Variants in GPI observed in about 807,000 individuals in gnomAD.
The protein encoded by GPI is D-hexose-6-phosphate anomerase.
A neutral mutation model predicts 75.8 loss-of-function variants in GPI; 56 were observed. The observed-to-expected ratio is 0.74, with a 90% CI of 0.60 to 0.92. The LOEUF is 0.92. GPI is among the 40% of genes least tolerant of loss of function. The pLI is 0.00. For synonymous variants in GPI, 288 were observed against 285.4 expected (o/e 1.01, Z -0.09); for missense variants, 638 against 741.0 (o/e 0.86, Z 1.61).
At chr19:34,377,130 GTCTC>G (rs2074549672) in intron 4 of GPI, among the ~76,000 whole-genome samples, 1 of 150,296 alleles carries the variant, frequency 6.7e-6, no homozygotes, top group Non-Finnish European at 1.5e-5. Context: ...GTGAAACCCT[GTCTC>G]TACTAAAAAT....
chr19:34,395,258 G>A (rs2074927531), intron 12 of GPI, among the ~76,000 whole-genome samples: 1 of 152,064 alleles, frequency 6.6e-6, no homozygotes, highest in Non-Finnish European at 1.5e-5. Flanking sequence ...GCCAGGCATG[G>A]TGGCTGATGC....
At chr19:34,376,370 A>C (rs1313276308) in intron 4 of GPI, among the ~76,000 whole-genome samples, 1 of 152,150 alleles carries the variant, frequency 6.6e-6, no homozygotes, top group Non-Finnish European at 1.5e-5. Context: ...AGCGTGGCCA[A>C]CACGGCGAAA....
intron 14 of GPI, chr19:34,398,305 T>C (rs1158129947): frequency 6.6e-6 from 1 of 152,156 alleles, no homozygotes; most frequent in East Asian, 1.9e-4. Flanking sequence ...CTGTGCTTTG[T>C]CTCAGGTGTG....
chr19:34,394,081 G>C lies in GPI; in HGVS notation c.1062+15G>C. 1 of 1,604,928 alleles carries C rather than the reference G, an allele frequency of 6.2e-7. No homozygotes were observed. The highest frequency in any genetic ancestry group is 8.5e-7 in the Non-Finnish European group (1 of 1,175,990). On this transcript the variant is annotated intron_variant, in intron 12 of 17. Transcript: ENST00000356487. ...ACTTCCAGCAGGTACCAGCTGCCAA[G>C]CCAGGCCTTGGAGTCAGCAAGATTT...
chr19:34,399,778 C>T lies in GPI; in HGVS notation c.1534C>T (p.Gln512Ter). ...GIIWDINSFD[Q>*]WGVELGKQLA... Reference sequence around the variant, plus strand: ...CATCTGGGACATCAACAGCTTTGACCAGTGGGGGTGAGTTGCTCACTTAGG... The same window carrying T: ...CATCTGGGACATCAACAGCTTTGACTAGTGGGGGTGAGTTGCTCACTTAGG... Residue 512 changes from glutamine (Q) to a stop codon, truncating the protein, a stop_gained, in exon 17 of 18, where the codon CAG (glutamine) becomes TAG (stop). Transcript: ENST00000356487. LOFTEE classifies it high-confidence loss of function. The T allele has an allele frequency of 4.3e-6, 7 of 1,613,990 alleles. No homozygotes were observed. The highest frequency in any genetic ancestry group is 4.2e-6 in the Non-Finnish European group (5 of 1,179,968).
In GPI at chr19:34,379,285, T is replaced by C. The variant is rs550977708; in HGVS notation, c.706-233T>C. 2.6e-5 allele frequency among the ~76,000 whole-genome samples: 4 copies of C among 152,302 alleles called. No individual in the cohort carries two copies. In the South Asian group the frequency reaches 8.3e-4, roughly 32 times the overall value. The stretch of plus-strand genomic sequence containing the variant: ...CAGGAACTCTTGGCCACACCTATTT[T>C]ATAGGGGAGGGACGTCCCTGAGCCC... On this transcript the variant is annotated intron_variant, in intron 7 of 17. Transcript: ENST00000356487.
At chr19:34,366,586 G>A (rs1037827034) in intron 2 of GPI, 151 bp downstream of exon 2, 2 of 767,602 alleles carry the variant, frequency 2.6e-6, no homozygotes, top group Non-Finnish European at 4.7e-6. Flanking sequence ...ACCTGTCCCT[G>A]GCTTAGGTTC....
At chr19:34,399,091 G>A (rs2145435721) in intron 14 of GPI, 116 bp from the exon 15 acceptor site, 2 of 925,898 alleles carry the variant, frequency 2.2e-6, no homozygotes, top group Admixed American at 2.2e-5. Context: ...CAACTGAGCT[G>A]TACAGCGAGT....
intron 9 of GPI, among the ~76,000 whole-genome samples, chr19:34,389,861 A>T (rs1256607615): frequency 6.6e-6 from 1 of 151,908 alleles, no homozygotes; most frequent in Admixed American, 6.6e-5. Context: ...TCTCTCCCAC[A>T]CTCTGTGTCC....
chr19:34,377,336 A>AATATATATATATATATATAT (rs1243864461), intron 4 of GPI, among the ~76,000 whole-genome samples, 167 bp from the exon 5 acceptor site: 40 of 49,320 alleles, frequency 8.1e-4, no homozygotes, highest in African/African-American at 3.8e-3. Flanking sequence ...AAAAAAAAAA[A>AATATATATATATATATATAT]ATATATATAT....
intron 9 of GPI, among the ~76,000 whole-genome samples, chr19:34,386,208 G>A (rs182109920): frequency 1.2e-4 from 19 of 152,270 alleles, no homozygotes; most frequent in Middle Eastern, 6.9e-3. Flanking sequence ...TTCAGGTGTG[G>A]TCTGAGAACC....
intron 4 of GPI, among the ~76,000 whole-genome samples, chr19:34,370,682 G>A (rs906234558): frequency 2.0e-5 from 3 of 151,840 alleles, no homozygotes; most frequent in African/African-American, 4.8e-5. Context: ...CCAAGATCAC[G>A]CTACTGCACT....
Position 34,393,438 on chromosome 19 carries a change from G to T in GPI, c.865+130G>T. 1.2e-6 allele frequency: 1 copy of T among 843,142 alleles called. No homozygotes were observed. The allele number at this position is 843,142 out of a possible 1,614,324, so 52.2% of individuals were successfully genotyped here. ...TGCTGGCCTCTCTGCAGCTGGCTGG[G>T]ATATTTATTTCATGTCCAGAAGGAA... is the stretch of plus-strand genomic sequence containing the variant. On this transcript the variant is annotated intron_variant, in intron 10 of 17. Coordinates refer to ENST00000356487, the MANE Select transcript of GPI (RefSeq NM_000175.5). This position sits in a 1 kb window ranked among gnomAD's most constrained non-coding sequence, Gnocchi z 4.4.
chr19:34,367,546 C>T (rs1227266330), intron 3 of GPI, among the ~76,000 whole-genome samples: 1 of 152,166 alleles, frequency 6.6e-6, no homozygotes, highest in African/African-American at 2.4e-5. Flanking sequence ...TGGGGTCTGG[C>T]AGGGTGAGGG....
At position 34,399,581 on chromosome 19, in the gene GPI, ACT is replaced by A; in HGVS notation, c.1427_1428del (p.Ser476TyrfsTer19). ...GTCTTTGAAGGAAATCGCCCAACCA[ACT>A]CTATTGTGTTCACCAAGCTCACACC... is the stretch of plus-strand genomic sequence containing the variant. On this transcript the variant is annotated frameshift_variant, in exon 16 of 18. Coordinates refer to ENST00000356487, the MANE Select transcript of GPI (RefSeq NM_000175.5). LOFTEE classifies it high-confidence loss of function. 1 of 1,613,868 alleles carries A rather than the reference ACT, an allele frequency of 6.2e-7. No individual in the cohort carries two copies. The highest frequency in any genetic ancestry group is 8.5e-7 in the Non-Finnish European group (1 of 1,179,962).
At position 34,393,844 on chromosome 19, in the gene GPI, TC is replaced by T; in HGVS notation, c.910-65del. 1 of 1,601,690 alleles carries T rather than the reference TC, an allele frequency of 6.2e-7. No individual in the cohort carries two copies. On this transcript the variant is annotated intron_variant, in intron 11 of 17. Transcript: ENST00000356487. The surrounding 1 kb of genome is among the most constrained non-coding windows in gnomAD (Gnocchi z 4.4). ...GTGTTGGTCCTGGTCCCCCGCTTTCTCCCCCACTGTCCTGTCCCTCCCCTCC... is the reference window on the plus strand; with the variant it reads ...GTGTTGGTCCTGGTCCCCCGCTTTCTCCCCACTGTCCTGTCCCTCCCCTCC...
chr19:34,399,282 C>G lies in GPI; in HGVS notation c.1345C>G (p.Leu449Val), dbSNP rs780098546. The change falls in exon 15 of 18, where the codon CTC (leucine) becomes GTC (valine). Residue 449 changes from leucine to valine, a missense_variant. Leu to Val is a conservative substitution (Grantham distance 32, BLOSUM62 1). Coordinates refer to ENST00000356487, the MANE Select transcript of GPI (RefSeq NM_000175.5). ...GKSTEEARKE[L>V]QAAGKSPEDL... ...ATCGACGGAGGAGGCCCGAAAGGAG[C>G]TCCAGGCTGCGGGCAAGAGTCCAGA... 5.0e-6 allele frequency: 8 copies of G among 1,614,010 alleles called. No homozygotes were observed. The South Asian group carries it at 8.8e-5, about 18-fold the overall frequency.
chr19:34,378,172 C>G (rs530401480), intron 6 of GPI, among the ~76,000 whole-genome samples: 102 of 152,198 alleles, frequency 6.7e-4, no homozygotes, highest in African/African-American at 2.3e-3. Flanking sequence ...TTCTTACAAA[C>G]CTGTCCTTTA....
chr19:34,362,345 T>G (rs148961205), upstream of GPI, among the ~76,000 whole-genome samples: 43 of 150,780 alleles, frequency 2.9e-4, no homozygotes, highest in African/African-American at 1.0e-3. Flanking sequence ...GTAACTGGAG[T>G]TTCAAAGTAA....
Sources: gnomAD v4.1 joint callset for allele counts (sites outside exome capture counted in the v4.1 genomes callset) on GRCh38, gnomAD v4.1.1 for gene constraint, Gnocchi (gnomAD v3.1) non-coding constraint, MANE v1.5 for transcripts, NCBI Gene and HGNC (gene_info 2026-07-23, HGNC 2026-07-21) for gene names.